Variants in ZRANB2 observed in about 807,000 individuals in gnomAD.
ZRANB2 encodes the protein zinc finger Ran-binding domain-containing protein 2.
Under a neutral mutation model 53.4 loss-of-function variants are expected in ZRANB2, and 19 were observed. The ratio of observed to expected loss-of-function variants is 0.36; its 90% confidence interval spans 0.25 to 0.52. The LOEUF (loss-of-function observed/expected upper bound fraction) is 0.52. ZRANB2 is among the 20% of genes least tolerant of loss of function. The probability of loss-of-function intolerance (pLI) is 0.93; values close to 1 mark genes in which losing one functional copy is unlikely to be tolerated. For synonymous variants in ZRANB2, 145 were observed against 134.8 expected (o/e 1.08, Z -0.52); for missense variants, 309 against 401.1 (o/e 0.77, Z 1.96).
intron 9 of ZRANB2, chr1:71,065,794 C>T: frequency 6.2e-7 from 1 of 1,608,472 alleles, no homozygotes; most frequent in South Asian, 1.1e-5. Flanking sequence ...TAGATGACAA[C>T]AAACTAGGGG....
At chr1:71,080,825 C>T (rs1661829293) in intron 1 of ZRANB2, 115 bp downstream of exon 1, 2 of 1,244,178 alleles carry the variant, frequency 1.6e-6, no homozygotes, top group Non-Finnish European at 2.3e-6. Context: ...TGGCGGTTCG[C>T]CGCCTCAACC....
chr1:71,078,742 T>C, intron 1 of ZRANB2, 34 bp from the exon 2 acceptor site: 3 of 1,571,454 alleles, frequency 1.9e-6, no homozygotes, highest in Non-Finnish European at 2.6e-6. Context: ...TATAAAAATT[T>C]AAATTTGTAA....
chr1:71,077,106 A>G (rs1661726929), intron 3 of ZRANB2, among the ~76,000 whole-genome samples: 1 of 152,182 alleles, frequency 6.6e-6, no homozygotes, highest in East Asian at 1.9e-4. Context: ...ATAGTATGAA[A>G]AGTGCCTCTG....
At chr1:71,072,082 A>G in intron 6 of ZRANB2, 39 bp downstream of exon 6, 1 of 1,594,536 alleles carries the variant, frequency 6.3e-7, no homozygotes, top group Non-Finnish European at 8.5e-7. Context: ...GTATAACTCC[A>G]ATAAGACAAA....
intron 1 of ZRANB2, among the ~76,000 whole-genome samples, chr1:71,080,606 G>T (rs1432562274): frequency 7.0e-6 from 1 of 142,178 alleles, no homozygotes; most frequent in Admixed American, 7.0e-5. Flanking sequence ...ACACCAAGCT[G>T]GCCTGACTGG....
intron 3 of ZRANB2, among the ~76,000 whole-genome samples, chr1:71,077,364 C>G (rs2101051387): frequency 6.6e-6 from 1 of 152,256 alleles, no homozygotes; most frequent in Non-Finnish European, 1.5e-5. Flanking sequence ...TTTAAATTAA[C>G]AGCTCCACTA....
At position 71,064,534 on chromosome 1, in the gene ZRANB2, T is replaced by C. The variant is rs1037552450; in HGVS notation, c.*540A>G. On this transcript the variant is annotated 3_prime_UTR_variant, in exon 10 of 10. Transcript: ENST00000370920. ...GTAAAGCTGGATAAAAGAGACACAA[T>C]GATTCTAAGGCACCCTTAGCATAGG... is the stretch of plus-strand genomic sequence containing the variant. 2 of 152,494 alleles carry C rather than the reference T, an allele frequency of 1.3e-5. No individual in the cohort carries two copies. The highest frequency in any genetic ancestry group is 1.3e-4 in the Admixed American group (2 of 15,258). 9.4% of individuals were successfully genotyped at this position (152,494 alleles called of 1,614,324 possible).
intron 4 of ZRANB2, among the ~76,000 whole-genome samples, chr1:71,076,332 T>G (rs1169476344): frequency 6.6e-6 from 1 of 152,202 alleles, no homozygotes; most frequent in East Asian, 1.9e-4. Context: ...ACTTTAACAG[T>G]TCTGCATTTT....
intron 1 of ZRANB2, among the ~76,000 whole-genome samples, chr1:71,080,410 G>C (rs1006297847): frequency 1.3e-5 from 2 of 152,120 alleles, no homozygotes; most frequent in Non-Finnish European, 2.9e-5. Flanking sequence ...CAAAGAAAAT[G>C]TCAGAATTTC....
At chr1:71,069,855 A>T (rs189885542) in intron 7 of ZRANB2, among the ~76,000 whole-genome samples, 1 of 152,290 alleles carries the variant, frequency 6.6e-6, no homozygotes, top group Non-Finnish European at 1.5e-5. Context: ...GGGAAAATGT[A>T]TAATTCTGTC....
chr1:71,065,711 C>G, intron 9 of ZRANB2: 3 of 1,612,402 alleles, frequency 1.9e-6, no homozygotes, highest in Non-Finnish European at 1.7e-6. Flanking sequence ...TAGGGGTTGG[C>G]CCTGGGCTCA....
In ZRANB2 at chr1:71,072,350, G is replaced by A. The variant is rs891132691; in HGVS notation, c.379-95C>T. 3.0e-5 allele frequency: 44 copies of A among 1,451,264 alleles called. No homozygotes were observed. The Middle Eastern group carries it at 1.1e-3, about 37-fold the overall frequency. The allele number at this position is 1,451,264 out of a possible 1,614,324, so 89.9% of individuals were successfully genotyped here. A position where few individuals can be genotyped will look rare whatever the true frequency, so the allele number is the denominator to read the frequency against. On this transcript the variant is annotated intron_variant, in intron 5 of 9. Coordinates refer to ENST00000370920, the MANE Select transcript of ZRANB2 (RefSeq NM_203350.3). ...TTATTTTAGATATTTATGATTTCCT[G>A]AAAATGATCAGTTGCTGAAGACTCA...
chr1:71,081,029 T>A lies in ZRANB2; in HGVS notation c.-34A>T. On this transcript the variant is annotated 5_prime_UTR_variant, in exon 1 of 10. Transcript: ENST00000370920. Reference sequence around the variant, plus strand: ...CCACCAGCACAGCCACCCGCAGCTATGTCTTCACAGGAGGAAAACGGGCCG... The same window carrying A: ...CCACCAGCACAGCCACCCGCAGCTAAGTCTTCACAGGAGGAAAACGGGCCG... 1.9e-6 allele frequency: 3 copies of A among 1,614,006 alleles called. No homozygotes were observed. Among genetic ancestry groups the A allele is most frequent in the East Asian group, 2.2e-5 (1 of 44,834 alleles).
intron 6 of ZRANB2, 65 bp from the exon 7 acceptor site, chr1:71,071,061 CAGTT>C (rs1315593299): frequency 2.0e-5 from 28 of 1,410,258 alleles, no homozygotes; most frequent in Admixed American, 2.5e-5. Flanking sequence ...AAAGATAAAA[CAGTT>C]AGGTGTACTG....
chr1:71,069,452 T>C, intron 7 of ZRANB2, 90 bp from the exon 8 acceptor site: 1 of 852,640 alleles, frequency 1.2e-6, no homozygotes, highest in Non-Finnish European at 1.9e-6. Flanking sequence ...GTATTAGAGT[T>C]CATTTTCATA....
chr1:71,078,687 A>G lies in ZRANB2; in HGVS notation c.78T>C (p.Ala26=). ...PDKKCGNVNF[A]RRTSCNRCGR... ...CACATCGATTACAGCTGGTTCTTCT[A>G]GCAAAGTTTACATTTCCACATCTAA... Residue 26 remains alanine, a synonymous_variant, in exon 2 of 10, where the codon GCT becomes GCC. Transcript: ENST00000370920. 1 of 1,613,234 alleles carries G rather than the reference A, an allele frequency of 6.2e-7. No individual in the cohort carries two copies. The highest frequency in any genetic ancestry group is 1.7e-5 in the Admixed American group (1 of 60,014).
intron 9 of ZRANB2, among the ~76,000 whole-genome samples, chr1:71,065,457 A>G (rs913964348): frequency 6.6e-6 from 1 of 152,110 alleles, no homozygotes; most frequent in Non-Finnish European, 1.5e-5. Flanking sequence ...ATGTACAACA[A>G]AAGCATATAA....
chr1:71,071,856 T>C (rs1661601161), intron 6 of ZRANB2, among the ~76,000 whole-genome samples: 1 of 152,168 alleles, frequency 6.6e-6, no homozygotes. Context: ...ATAACGTTAC[T>C]GCTATCAAAA....
At chr1:71,066,313 G>A (rs1279098781) in intron 9 of ZRANB2, 3 of 154,506 alleles carry the variant, frequency 1.9e-5, no homozygotes, top group African/African-American at 7.2e-5. Context: ...TATAGACAAA[G>A]GGCATGAAGC....
Sources: allele counts gnomAD v4.1 joint callset (sites outside exome capture counted in the v4.1 genomes callset), GRCh38; gene constraint gnomAD v4.1.1; transcripts MANE v1.5; gene names NCBI Gene and HGNC (gene_info 2026-07-23, HGNC 2026-07-21).